The following ACSL5 variants were observed in gnomAD, a reference collection of about 807,000 sequenced individuals.
ACSL5 encodes acyl-CoA synthetase long chain family member 5, also known as long-chain-fatty-acid--CoA ligase 5.
In ACSL5, 50 loss-of-function variants were observed where a neutral mutation model predicts 84.9. The observed-to-expected ratio is 0.59, with a 90% CI of 0.47 to 0.75. The LOEUF is 0.75. ACSL5 is among the 30% of genes least tolerant of loss of function. ACSL5 has a pLI of 0.00. For synonymous variants in ACSL5, 280 were observed against 300.7 expected (o/e 0.93, Z 0.71); for missense variants, 775 against 830.4 (o/e 0.93, Z 0.82).
chr10:112,390,503 G>A (rs532250556), intron 1 of ACSL5, among the ~76,000 whole-genome samples: 115 of 152,178 alleles, frequency 7.6e-4, no homozygotes, highest in African/African-American at 2.6e-3. Flanking sequence ...TATAAAATTC[G>A]CATTGACTCA....
At chr10:112,404,633 G>C in intron 4 of ACSL5, 58 bp downstream of exon 4, 2 of 1,598,308 alleles carry the variant, frequency 1.3e-6, no homozygotes, top group Non-Finnish European at 1.7e-6. Flanking sequence ...CTGAACTACA[G>C]GATACGATAT....
chr10:112,427,082 TG>T, intron 20 of ACSL5, 135 bp from the exon 21 acceptor site: 1 of 978,294 alleles, frequency 1.0e-6, no homozygotes, highest in Middle Eastern at 3.2e-4. Context: ...ATTATGTTTG[TG>T]GGAATGGGCA....
At chr10:112,393,792 G>A (rs189517543) in intron 1 of ACSL5, among the ~76,000 whole-genome samples, 355 of 152,300 alleles carry the variant, frequency 2.3e-3, no homozygotes, top group Non-Finnish European at 3.3e-3. Context: ...ATGAATTGTC[G>A]TTTTGTAGGT....
chr10:112,378,227 GTTTTTTTTTTTT>G (rs144322644), intron 1 of ACSL5, among the ~76,000 whole-genome samples: 3 of 56,782 alleles, frequency 5.3e-5, no homozygotes, highest in African/African-American at 7.6e-5. Flanking sequence ...TCTTCTTCTT[GTTTTTTTTTTTT>G]TTTTTTTTTT....
intron 12 of ACSL5, 112 bp from the exon 13 acceptor site, chr10:112,416,776 A>T: frequency 8.4e-7 from 1 of 1,190,348 alleles, no homozygotes; most frequent in Non-Finnish European, 1.2e-6. Flanking sequence ...CATGACTGTG[A>T]GACTGTGAGA....
At chr10:112,425,309 A>T (rs1554866122) in intron 17 of ACSL5, 29 bp from the exon 18 acceptor site, 6 of 1,583,568 alleles carry the variant, frequency 3.8e-6, no homozygotes, top group East Asian at 2.3e-5. Flanking sequence ...TGGCTCAAAA[A>T]TACTGATACT....
intron 13 of ACSL5, among the ~76,000 whole-genome samples, chr10:112,417,278 A>G (rs1844338587): frequency 6.6e-6 from 1 of 150,642 alleles, no homozygotes. Context: ...CTAGGTGGGT[A>G]GATCACCTGA....
chr10:112,381,519 G>A (rs1849347641), intron 1 of ACSL5, among the ~76,000 whole-genome samples: 1 of 151,922 alleles, frequency 6.6e-6, no homozygotes, highest in African/African-American at 2.4e-5. Context: ...ACAAAAATTA[G>A]CCGGATGTGA....
At chr10:112,384,832 C>A (rs1389617575) in intron 1 of ACSL5, among the ~76,000 whole-genome samples, 1 of 152,190 alleles carries the variant, frequency 6.6e-6, no homozygotes, top group African/African-American at 2.4e-5. Flanking sequence ...CTCTCTTTTT[C>A]TATGAGGATT....
intron 12 of ACSL5, among the ~76,000 whole-genome samples, chr10:112,416,554 T>C (rs1844319561): frequency 6.6e-6 from 1 of 151,576 alleles, no homozygotes; most frequent in East Asian, 1.9e-4. Context: ...GTGGTGCCCA[T>C]TGAGCTGTGT....
intron 1 of ACSL5, among the ~76,000 whole-genome samples, chr10:112,389,701 G>A (rs1233576861): frequency 1.3e-5 from 2 of 152,160 alleles, no homozygotes; most frequent in African/African-American, 4.8e-5. Context: ...AAAGGAGGGT[G>A]ACTTTTTTCC....
At chr10:112,388,838 A>G (rs981373911) in intron 1 of ACSL5, among the ~76,000 whole-genome samples, 2 of 152,202 alleles carry the variant, frequency 1.3e-5, no homozygotes, top group Non-Finnish European at 2.9e-5. Context: ...GTGAGGCCTG[A>G]CCTATCAGCA....
chr10:112,420,969 G>A (rs749942370), intron 14 of ACSL5, among the ~76,000 whole-genome samples: 7 of 152,112 alleles, frequency 4.6e-5, no homozygotes, highest in South Asian at 4.2e-4. Flanking sequence ...TGATCCTCCC[G>A]CCTTGGCTTC....
intron 1 of ACSL5, among the ~76,000 whole-genome samples, chr10:112,390,292 C>A (rs1167545507): frequency 6.6e-6 from 1 of 152,008 alleles, no homozygotes; most frequent in East Asian, 1.9e-4. Flanking sequence ...GCTCAACATC[C>A]TTAGTCATTA....
chr10:112,377,124 A>G (rs940267099), intron 1 of ACSL5, among the ~76,000 whole-genome samples: 1 of 151,844 alleles, frequency 6.6e-6, no homozygotes, highest in Non-Finnish European at 1.5e-5. Flanking sequence ...AAGGGACTCT[A>G]CCACCGGGGC....
At chr10:112,381,881 C>A (rs777418105) in intron 1 of ACSL5, among the ~76,000 whole-genome samples, 2 of 151,978 alleles carry the variant, frequency 1.3e-5, no homozygotes, top group African/African-American at 4.8e-5. Context: ...ACAAAAGAAT[C>A]GCTTGACTCC....
chr10:112,403,374 A>G (rs1007219746), intron 3 of ACSL5, among the ~76,000 whole-genome samples: 8 of 152,032 alleles, frequency 5.3e-5, no homozygotes, highest in Admixed American at 2.6e-4. Context: ...CGCAACTTCC[A>G]CCTCCCGGGT....
At chr10:112,426,882 T>C (rs1236566118) in intron 20 of ACSL5, 23 bp downstream of exon 20, 1 of 1,555,752 alleles carries the variant, frequency 6.4e-7, no homozygotes, top group African/African-American at 1.4e-5. Flanking sequence ...ACTGATGTTA[T>C]ACTGGCCTCT....
At chr10:112,376,468 G>A (rs777394378) in intron 1 of ACSL5, 2 of 1,613,756 alleles carry the variant, frequency 1.2e-6, no homozygotes, top group Non-Finnish European at 1.7e-6. Context: ...CCATCGAGGG[G>A]GTGTTATTCA....
Sources: gnomAD v4.1 joint callset for allele counts (sites outside exome capture counted in the v4.1 genomes callset) on GRCh38, gnomAD v4.1.1 for gene constraint, MANE v1.5 for transcripts, NCBI Gene and HGNC (gene_info 2026-07-23, HGNC 2026-07-21) for gene names.